SLC8A3: variants seen among roughly 807,000 people sequenced by gnomAD.
SLC8A3 encodes the protein sodium/calcium exchanger 3.
A neutral mutation model predicts 65.4 loss-of-function variants in SLC8A3; 37 were observed. The observed-to-expected ratio is 0.57, with a 90% CI of 0.44 to 0.74. SLC8A3 has a LOEUF of 0.74. SLC8A3 is among the 30% of genes least tolerant of loss of function. The pLI, the probability that SLC8A3 is intolerant of heterozygous loss-of-function variation, is 0.00. For synonymous variants in SLC8A3, 461 were observed against 444.5 expected (o/e 1.04, Z -0.47); for missense variants, 1,112 against 1,172.1 (o/e 0.95, Z 0.75).
chr14:70,134,768 C>A (rs1283366436), intron 2 of SLC8A3, among the ~76,000 whole-genome samples: 1 of 152,184 alleles, frequency 6.6e-6, no homozygotes, highest in African/African-American at 2.4e-5. Flanking sequence ...AGTCCATCTA[C>A]CTGCGTAAGA....
intron 5 of SLC8A3, among the ~76,000 whole-genome samples, chr14:70,050,523 G>T (rs895109826): frequency 5.9e-5 from 9 of 152,170 alleles, no homozygotes; most frequent in Middle Eastern, 3.2e-3. Context: ...AGTAAATGCC[G>T]AGGGAGGGGT....
intron 1 of SLC8A3, among the ~76,000 whole-genome samples, chr14:70,184,588 A>T (rs924476573): frequency 6.6e-6 from 1 of 152,090 alleles, no homozygotes; most frequent in African/African-American, 2.4e-5. Context: ...TTCTGGGCTT[A>T]GCTGTCCCTA....
intron 2 of SLC8A3, among the ~76,000 whole-genome samples, chr14:70,065,379 C>G (rs980244176): frequency 6.6e-6 from 1 of 152,132 alleles, no homozygotes; most frequent in Non-Finnish European, 1.5e-5. Flanking sequence ...GAACTCCAAA[C>G]CCTCATCACT....
intron 2 of SLC8A3, among the ~76,000 whole-genome samples, chr14:70,124,663 T>A (rs1193159536): frequency 6.6e-6 from 1 of 152,288 alleles, no homozygotes; most frequent in Admixed American, 6.5e-5. Context: ...CTCTGCCATC[T>A]CCTGTAGGCC....
At chr14:70,130,376 C>T (rs1309517110) in intron 2 of SLC8A3, among the ~76,000 whole-genome samples, 1 of 152,164 alleles carries the variant, frequency 6.6e-6, no homozygotes, top group Non-Finnish European at 1.5e-5. Context: ...GCTGGGTTGC[C>T]CTGTGTTTGT....
chr14:70,129,721 G>C (rs956667964), intron 2 of SLC8A3, among the ~76,000 whole-genome samples: 2 of 152,178 alleles, frequency 1.3e-5, no homozygotes, highest in Non-Finnish European at 2.9e-5. Flanking sequence ...GGTCACCACT[G>C]ACTCAGTGGT....
In SLC8A3 at chr14:70,123,244, C is replaced by CA. The variant is rs897551617; in HGVS notation, c.1784+43394dup. On this transcript the variant is annotated intron_variant, in intron 2 of 6. Transcript: ENST00000356921. Reference sequence around the variant, plus strand: ...TGGGTGACAGAGCGAGACTCTGTCTCAAAAAAAAAAAATTTATAAATACTC... The same window carrying CA: ...TGGGTGACAGAGCGAGACTCTGTCTCAAAAAAAAAAAAATTTATAAATACTC... 5.3e-4 allele frequency among the ~76,000 whole-genome samples: 73 copies of CA among 138,448 alleles called. 1 individual carries two copies. The Middle Eastern group carries it at 0.011, about 21-fold the overall frequency. 90.8% of individuals were successfully genotyped at this position (138,448 alleles called of 152,430 possible). A position where few individuals can be genotyped will look rare whatever the true frequency, so the allele number is the denominator to read the frequency against.
chr14:70,181,931 G>A (rs1351794755), intron 1 of SLC8A3, among the ~76,000 whole-genome samples: 2 of 152,156 alleles, frequency 1.3e-5, no homozygotes, highest in Non-Finnish European at 2.9e-5. Flanking sequence ...GTCATGGTAA[G>A]GATTAAATGG....
chr14:70,087,234 T>A (rs540498178), intron 2 of SLC8A3, among the ~76,000 whole-genome samples: 1 of 152,312 alleles, frequency 6.6e-6, no homozygotes, highest in African/African-American at 2.4e-5. Context: ...ATCATAAAAA[T>A]GAGAAAAGGA....
rs147003629 is a variant in SLC8A3, at chr14:70,044,535, C to T, written c.*1412G>A. Reference sequence around the variant, plus strand: ...ATTCGTTGAGAAAAGGTCTGTAGGGCACGGAGATCTCTTTCTCCAAAAACC... The same window carrying T: ...ATTCGTTGAGAAAAGGTCTGTAGGGTACGGAGATCTCTTTCTCCAAAAACC... On this transcript the variant is annotated 3_prime_UTR_variant, in exon 7 of 7. Transcript: ENST00000356921. 1.1e-3 allele frequency: 171 copies of T among 152,182 alleles called. No individual in the cohort carries two copies. Among genetic ancestry groups the T allele is most frequent in the African/African-American group, 3.7e-3 (155 of 41,512 alleles). 9.4% of individuals were successfully genotyped at this position (152,182 alleles called of 1,614,324 possible). A position where few individuals can be genotyped will look rare whatever the true frequency, so the allele number is the denominator to read the frequency against.
At chr14:70,086,394 C>T (rs1416655922) in intron 2 of SLC8A3, among the ~76,000 whole-genome samples, 2 of 116,824 alleles carry the variant, frequency 1.7e-5, no homozygotes, top group Non-Finnish European at 1.6e-5. Context: ...TTTTCTTTTT[C>T]TTTTTTCTTT....
chr14:70,063,944 A>T (rs1566747527), intron 2 of SLC8A3: 1 of 1,396,164 alleles, frequency 7.2e-7, no homozygotes. Context: ...GGATGGAAAA[A>T]TAAGTATCAT....
chr14:70,063,032 A>G (rs2139846999), intron 2 of SLC8A3, among the ~76,000 whole-genome samples: 1 of 152,358 alleles, frequency 6.6e-6, no homozygotes, highest in East Asian at 1.9e-4. Flanking sequence ...GTATGGGGTC[A>G]TTGAAGTTGA....
intron 2 of SLC8A3, among the ~76,000 whole-genome samples, chr14:70,110,767 G>T (rs147280346): frequency 1.4e-5 from 2 of 141,200 alleles, no homozygotes; most frequent in Non-Finnish European, 3.0e-5. Flanking sequence ...TGAAAGTTAC[G>T]CCTCCCAGGT....
chr14:70,118,386 C>T (rs75116349), intron 2 of SLC8A3, among the ~76,000 whole-genome samples: 1 of 152,182 alleles, frequency 6.6e-6, no homozygotes, highest in African/African-American at 2.4e-5. Flanking sequence ...AACAAGAACC[C>T]TTTACACCAG....
intron 2 of SLC8A3, among the ~76,000 whole-genome samples, chr14:70,104,062 G>A (rs935718167): frequency 4.0e-5 from 6 of 151,872 alleles, no homozygotes; most frequent in Non-Finnish European, 7.4e-5. Flanking sequence ...AATAATAACG[G>A]AACCAATTCA....
chr14:70,118,183 C>G (rs563222344), intron 2 of SLC8A3, among the ~76,000 whole-genome samples: 1 of 152,188 alleles, frequency 6.6e-6, no homozygotes, highest in Non-Finnish European at 1.5e-5. Flanking sequence ...ACATCTGAAT[C>G]CCTTTATGTA....
At chr14:70,052,977 C>T (rs539936273) in intron 3 of SLC8A3, among the ~76,000 whole-genome samples, 6 of 152,256 alleles carry the variant, frequency 3.9e-5, no homozygotes, top group Non-Finnish European at 5.9e-5. Context: ...CTCCAACTCT[C>T]GAGTTTGCAA....
At chr14:70,062,603 C>T (rs1023729251) in intron 2 of SLC8A3, among the ~76,000 whole-genome samples, 22 of 152,204 alleles carry the variant, frequency 1.4e-4, no homozygotes, top group Admixed American at 9.2e-4. Flanking sequence ...AATTTTCCCA[C>T]GATGACAAAA....
Sources: allele counts gnomAD v4.1 joint callset (sites outside exome capture counted in the v4.1 genomes callset), GRCh38; gene constraint gnomAD v4.1.1; transcripts MANE v1.5; gene names NCBI Gene and HGNC (gene_info 2026-07-23, HGNC 2026-07-21).